Variants in CFAP299 observed in about 807,000 individuals in gnomAD.
CFAP299 encodes cilia- and flagella-associated protein 299.
CFAP299 carries 21 observed loss-of-function variants against 27.0 expected under a neutral mutation model. The observed-to-expected ratio is 0.78, with a 90% CI of 0.55 to 1.12. The LOEUF (loss-of-function observed/expected upper bound fraction) is 1.12. Ranked by LOEUF, CFAP299 falls within the 50% of genes most tolerant of loss-of-function variation. The probability of loss-of-function intolerance (pLI) is 0.00; values close to 1 mark genes in which losing one functional copy is unlikely to be tolerated. For missense variants in CFAP299, 310 were observed against 276.6 expected, an observed-to-expected ratio of 1.12 and a Z score of -0.86; for synonymous variants, 104 against 98.1, an observed-to-expected ratio of 1.06 and a Z score of -0.36.
chr4:80,447,952 G>C (rs1728725759), intron 2 of CFAP299, among the ~76,000 whole-genome samples: 1 of 152,118 alleles, frequency 6.6e-6, no homozygotes, highest in African/African-American at 2.4e-5. Flanking sequence ...CCTTAGCATG[G>C]CACACAAGGC....
intron 4 of CFAP299, among the ~76,000 whole-genome samples, chr4:80,899,612 T>G (rs925521959): frequency 5.3e-5 from 8 of 152,142 alleles, no homozygotes; most frequent in African/African-American, 1.9e-4. Context: ...AGAGGTGCTT[T>G]TAAACTAGGC....
intron 3 of CFAP299, among the ~76,000 whole-genome samples, chr4:80,855,457 C>T (rs1346518395): frequency 1.3e-5 from 2 of 151,770 alleles, no homozygotes; most frequent in African/African-American, 4.8e-5. Flanking sequence ...GCACAATGTG[C>T]AGGTTAGTTA....
chr4:80,543,736 A>G (rs963080941), intron 2 of CFAP299, among the ~76,000 whole-genome samples: 5 of 152,254 alleles, frequency 3.3e-5, no homozygotes, highest in Non-Finnish European at 7.3e-5. Flanking sequence ...TGCAAGAGAA[A>G]AGGAGAGAGC....
chr4:80,658,710 T>G (rs1396384592), intron 3 of CFAP299, among the ~76,000 whole-genome samples: 1 of 152,102 alleles, frequency 6.6e-6, no homozygotes, highest in Non-Finnish European at 1.5e-5. Flanking sequence ...CTCTCTCAGA[T>G]AGTAAGAATA....
At chr4:80,616,702 G>A (rs769579066) in intron 3 of CFAP299, among the ~76,000 whole-genome samples, 4 of 152,008 alleles carry the variant, frequency 2.6e-5, no homozygotes, top group South Asian at 2.1e-4. Flanking sequence ...GCTGTATGAT[G>A]TACTGATGGT....
At chr4:80,563,640 T>C (rs1735145207) in intron 2 of CFAP299, among the ~76,000 whole-genome samples, 1 of 151,344 alleles carries the variant, frequency 6.6e-6, no homozygotes, top group Non-Finnish European at 1.5e-5. Flanking sequence ...CATAAAGACC[T>C]GGAAAAGCAA....
chr4:80,960,791 A>T (rs1738306586), intron 5 of CFAP299, among the ~76,000 whole-genome samples: 1 of 151,868 alleles, frequency 6.6e-6, no homozygotes, highest in Admixed American at 6.6e-5. Context: ...TTCCACAAAC[A>T]TTTTAAAAGA....
At chr4:80,401,717 C>T (rs1232885157) in intron 2 of CFAP299, among the ~76,000 whole-genome samples, 1 of 152,226 alleles carries the variant, frequency 6.6e-6, no homozygotes. Flanking sequence ...TACTGGGTCA[C>T]TGCCTAGTGG....
chr4:80,711,011 G>A (rs1362514081), intron 3 of CFAP299, among the ~76,000 whole-genome samples: 3 of 152,132 alleles, frequency 2.0e-5, no homozygotes, highest in Non-Finnish European at 4.4e-5. Context: ...TCACACCCAT[G>A]TAGCCATAAC....
At chr4:80,937,623 A>G (rs1209017897) in intron 4 of CFAP299, among the ~76,000 whole-genome samples, 1 of 151,728 alleles carries the variant, frequency 6.6e-6, no homozygotes, top group Non-Finnish European at 1.5e-5. Flanking sequence ...GTGTCCTCAA[A>G]CCTAAAGTGA....
chr4:80,962,096 G>A (rs1738373194), intron 5 of CFAP299, among the ~76,000 whole-genome samples: 1 of 151,946 alleles, frequency 6.6e-6, no homozygotes, highest in African/African-American at 2.4e-5. Flanking sequence ...AAGCCCCCAG[G>A]GGTACAACTT....
At chr4:80,855,053 T>A (rs1046522261) in intron 3 of CFAP299, among the ~76,000 whole-genome samples, 3 of 152,040 alleles carry the variant, frequency 2.0e-5, no homozygotes, top group Non-Finnish European at 4.4e-5. Flanking sequence ...CCGAAAGGAT[T>A]ATTGGATTGA....
intron 5 of CFAP299, among the ~76,000 whole-genome samples, chr4:80,961,514 C>T (rs1038653287): frequency 6.6e-5 from 10 of 151,644 alleles, no homozygotes; most frequent in Non-Finnish European, 1.2e-4. Context: ...TATATAAGAA[C>T]TCTATAGGCC....
At chr4:80,764,658 G>A (rs1261305239) in intron 3 of CFAP299, among the ~76,000 whole-genome samples, 2 of 151,962 alleles carry the variant, frequency 1.3e-5, no homozygotes, top group South Asian at 2.1e-4. Flanking sequence ...TGTTTATTGC[G>A]GCACTATTCA....
At chr4:80,946,846 T>C (rs1328296403) in intron 5 of CFAP299, among the ~76,000 whole-genome samples, 1 of 152,126 alleles carries the variant, frequency 6.6e-6, no homozygotes, top group Non-Finnish European at 1.5e-5. Context: ...ACTTAATAAA[T>C]AGCATTTCCA....
In CFAP299 at chr4:80,827,717, CAAAT is replaced by C. The variant is rs144990925; in HGVS notation, c.334-42268_334-42265del. 2.3e-3 allele frequency among the ~76,000 whole-genome samples: 347 copies of C among 151,860 alleles called. 1 individual carries two copies. Among genetic ancestry groups the C allele is most frequent in the African/African-American group, 8.0e-3 (330 of 41,472 alleles). The stretch of plus-strand genomic sequence containing the variant: ...TCCTGGTCAAAGCAATTAAACAAAA[CAAAT>C]AAATAAAAAGCATCCAACTTGGAAA... On this transcript the variant is annotated intron_variant, in intron 3 of 5. Coordinates refer to ENST00000358105, the MANE Select transcript of CFAP299 (RefSeq NM_152770.3).
At chr4:80,907,450 AG>A (rs1735239324) in intron 4 of CFAP299, among the ~76,000 whole-genome samples, 2 of 152,180 alleles carry the variant, frequency 1.3e-5, no homozygotes, top group Non-Finnish European at 2.9e-5. Context: ...TTACTATATT[AG>A]TCCATTCTCA....
chr4:80,476,713 C>A (rs1303910920), intron 2 of CFAP299, among the ~76,000 whole-genome samples: 2 of 152,064 alleles, frequency 1.3e-5, no homozygotes, highest in Non-Finnish European at 2.9e-5. Flanking sequence ...TCAGCATTTC[C>A]AGCGTTTTTT....
chr4:80,730,284 G>GTA, intron 3 of CFAP299, among the ~76,000 whole-genome samples: 1 of 147,162 alleles, frequency 6.8e-6, no homozygotes, highest in Non-Finnish European at 1.5e-5. Flanking sequence ...GTGTGTATGT[G>GTA]TGTGTGTGTG....
Sources: gnomAD v4.1 joint callset for allele counts (sites outside exome capture counted in the v4.1 genomes callset) on GRCh38, gnomAD v4.1.1 for gene constraint, MANE v1.5 for transcripts, NCBI Gene and HGNC (gene_info 2026-07-23, HGNC 2026-07-21) for gene names.